EEPD1: variants seen among roughly 807,000 people sequenced by gnomAD.
EEPD1 encodes the protein endonuclease/exonuclease/phosphatase family domain-containing protein 1.
In EEPD1, 17 loss-of-function variants were observed where a neutral mutation model predicts 46.3. That is an observed-to-expected ratio of 0.37 (90% CI 0.25 to 0.55). The LOEUF (loss-of-function observed/expected upper bound fraction) is 0.55. Ranked by LOEUF, EEPD1 falls within the 20% of genes least tolerant of loss-of-function variation. EEPD1 has a pLI of 0.83. For missense variants in EEPD1, 673 were observed against 745.6 expected (o/e 0.90, Z 1.13); for synonymous variants, 313 against 315.6 (o/e 0.99, Z 0.09).
At chr7:36,187,986 C>A (rs934730024) in intron 2 of EEPD1, among the ~76,000 whole-genome samples, 2 of 152,098 alleles carry the variant, frequency 1.3e-5, no homozygotes, top group Non-Finnish European at 2.9e-5. Flanking sequence ...TTAGTAGAGA[C>A]AGGGTTTCAC....
At chr7:36,263,851 T>C (rs1786971195) in intron 3 of EEPD1, among the ~76,000 whole-genome samples, 1 of 152,238 alleles carries the variant, frequency 6.6e-6, no homozygotes. Flanking sequence ...TTTGTTTCTC[T>C]TGACCCACAC....
At chr7:36,235,886 TG>T (rs1170622348) in intron 2 of EEPD1, among the ~76,000 whole-genome samples, 6 of 152,202 alleles carry the variant, frequency 3.9e-5, no homozygotes, top group African/African-American at 1.4e-4. Context: ...ACACTTACGT[TG>T]TTGTATAATC....
Position 36,299,782 on chromosome 7 carries a change from C to T in EEPD1, c.*576C>T. ...CCACAGCCCTCCCCCGCCCCCTTCCCCCGCCCCCCAACGCGCAGTGTGTAT... is the reference window on the plus strand; with the variant it reads ...CCACAGCCCTCCCCCGCCCCCTTCCTCCGCCCCCCAACGCGCAGTGTGTAT... On this transcript the variant is annotated 3_prime_UTR_variant, in exon 8 of 8. Coordinates refer to ENST00000242108, the MANE Select transcript of EEPD1 (RefSeq NM_030636.3). 1 of 151,918 alleles carries T rather than the reference C, an allele frequency of 6.6e-6. No individual in the cohort carries two copies. Among genetic ancestry groups the T allele is most frequent in the Non-Finnish European group, 1.4e-5 (1 of 69,116 alleles). The allele number at this position is 151,918 out of a possible 1,614,324, so 9.4% of individuals were successfully genotyped here. A position where few individuals can be genotyped will look rare whatever the true frequency, so the allele number is the denominator to read the frequency against.
In EEPD1 at chr7:36,154,988, A is replaced by G; in HGVS notation, c.664A>G (p.Thr222Ala). 2 of 1,613,298 alleles carry G rather than the reference A, an allele frequency of 1.2e-6. No homozygotes were observed. The highest frequency in any genetic ancestry group is 1.7e-6 in the Non-Finnish European group (2 of 1,179,604). ...TFTAKPHPSP[T>A]SLSLQSEDLD... is the part of the protein sequence containing the mutation. ...CACCGCCAAGCCTCACCCGAGCCCCACTTCCCTGAGCCTGCAGAGTGAGGA... is the reference window on the plus strand; with the variant it reads ...CACCGCCAAGCCTCACCCGAGCCCCGCTTCCCTGAGCCTGCAGAGTGAGGA... Residue 222 changes from threonine to alanine, a missense_variant, in exon 2 of 8, where the codon ACT becomes GCT. Thr to Ala is a moderately conservative substitution (Grantham distance 58). Transcript: ENST00000242108. This position sits in a 1 kb window ranked among gnomAD's most constrained non-coding sequence, Gnocchi z 4.2.
At chr7:36,260,055 A>C (rs954675160) in intron 3 of EEPD1, among the ~76,000 whole-genome samples, 2 of 152,242 alleles carry the variant, frequency 1.3e-5, no homozygotes, top group African/African-American at 4.8e-5. Flanking sequence ...CCAGCAATAC[A>C]GTCATATACA....
At chr7:36,266,008 T>TG (rs1366498994) in intron 3 of EEPD1, among the ~76,000 whole-genome samples, 1 of 152,164 alleles carries the variant, frequency 6.6e-6, no homozygotes. Context: ...CTTACTGGCA[T>TG]GCATCTCAGG....
At chr7:36,166,414 A>T (rs1784980989) in intron 2 of EEPD1, among the ~76,000 whole-genome samples, 1 of 152,238 alleles carries the variant, frequency 6.6e-6, no homozygotes, top group Non-Finnish European at 1.5e-5. Flanking sequence ...TACCATTTGC[A>T]ACCACTTAAT....
chr7:36,171,313 A>AC (rs1785076190), intron 2 of EEPD1, among the ~76,000 whole-genome samples: 8 of 123,730 alleles, frequency 6.5e-5, no homozygotes, highest in Admixed American at 2.4e-4. Context: ...TAGATACACA[A>AC]AAGAGTGGAC....
intron 3 of EEPD1, among the ~76,000 whole-genome samples, chr7:36,265,462 A>G (rs1786999435): frequency 6.6e-6 from 1 of 152,244 alleles, no homozygotes; most frequent in South Asian, 2.1e-4. Context: ...TAAAAAAATA[A>G]GTGGGTGTTC....
rs1787582945 is a variant in EEPD1, at chr7:36,299,488, TGTCC to T, written c.*284_*287del. Reference sequence around the variant, plus strand: ...CAGACCTGAGCAGCATTGGGCTGGCTGTCCGCTGCTGACTGGATGGCAGCACAAA... The same window carrying T: ...CAGACCTGAGCAGCATTGGGCTGGCTGCTGCTGACTGGATGGCAGCACAAA... On this transcript the variant is annotated 3_prime_UTR_variant, in exon 8 of 8. Transcript: ENST00000242108. 2.2e-6 allele frequency: 1 copy of T among 460,568 alleles called. No homozygotes were observed. Among genetic ancestry groups the T allele is most frequent in the Admixed American group, 3.7e-5 (1 of 27,364 alleles). 28.5% of individuals were successfully genotyped at this position (460,568 alleles called of 1,614,324 possible). A position where few individuals can be genotyped will look rare whatever the true frequency, so the allele number is the denominator to read the frequency against.
chr7:36,235,286 A>G lies in EEPD1; in HGVS notation c.879-3699A>G, dbSNP rs1278926418. 2.0e-5 allele frequency among the ~76,000 whole-genome samples: 3 copies of G among 152,298 alleles called. No homozygotes were observed. The East Asian group carries it at 5.8e-4, about 29-fold the overall frequency. On this transcript the variant is annotated intron_variant, in intron 2 of 7. Coordinates refer to ENST00000242108, the MANE Select transcript of EEPD1 (RefSeq NM_030636.3). ...TGTCCATGAACACTTCAAAAGCAACATGTCAAAAAGGGGAAAATACCTCCC... is the reference window on the plus strand; with the variant it reads ...TGTCCATGAACACTTCAAAAGCAACGTGTCAAAAAGGGGAAAATACCTCCC...
intron 6 of EEPD1, among the ~76,000 whole-genome samples, chr7:36,292,690 T>G (rs952826926): frequency 1.3e-5 from 2 of 152,174 alleles, no homozygotes; most frequent in African/African-American, 4.8e-5. Flanking sequence ...GCATCTTTAG[T>G]AGAGATGGGG....
chr7:36,255,950 C>T (rs1444371853), intron 3 of EEPD1, among the ~76,000 whole-genome samples: 1 of 152,058 alleles, frequency 6.6e-6, no homozygotes, highest in Non-Finnish European at 1.5e-5. Flanking sequence ...CCCGCTTTCT[C>T]CTTGGGCATT....
chr7:36,273,154 A>ACACACACG (rs899553037), intron 3 of EEPD1, among the ~76,000 whole-genome samples: 2 of 152,086 alleles, frequency 1.3e-5, no homozygotes, highest in African/African-American at 4.8e-5. Flanking sequence ...ACACACACAC[A>ACACACACG]CACACACTCA....
chr7:36,229,167 G>T (rs949548404), intron 2 of EEPD1: 2 of 152,514 alleles, frequency 1.3e-5, no homozygotes, highest in Non-Finnish European at 2.9e-5. Context: ...ATTGCTGGAG[G>T]TGCTGGGGTT....
chr7:36,196,452 C>G (rs1785588245), intron 2 of EEPD1, among the ~76,000 whole-genome samples: 1 of 152,192 alleles, frequency 6.6e-6, no homozygotes, highest in Non-Finnish European at 1.5e-5. Flanking sequence ...TGGTCTCCCT[C>G]TCATGCCGGG....
At chr7:36,238,804 A>G (rs1786503044) in intron 2 of EEPD1, among the ~76,000 whole-genome samples, 181 bp from the exon 3 acceptor site, 1 of 152,334 alleles carries the variant, frequency 6.6e-6, no homozygotes, top group South Asian at 2.1e-4. Flanking sequence ...TTAAATTTAG[A>G]AGCATTTTAA....
intron 6 of EEPD1, among the ~76,000 whole-genome samples, chr7:36,296,757 T>C (rs1787531612): frequency 6.8e-6 from 1 of 147,284 alleles, no homozygotes; most frequent in Non-Finnish European, 1.5e-5. Context: ...ACAAGGGTGA[T>C]TTTTGTGTCA....
At chr7:36,247,916 T>C (rs1330739743) in intron 3 of EEPD1, among the ~76,000 whole-genome samples, 1 of 152,046 alleles carries the variant, frequency 6.6e-6, no homozygotes, top group African/African-American at 2.4e-5. Flanking sequence ...ACTTGCACAG[T>C]TGGTGTTAGC....
Sources: allele counts gnomAD v4.1 joint callset (sites outside exome capture counted in the v4.1 genomes callset), GRCh38; gene constraint gnomAD v4.1.1; non-coding constraint Gnocchi (gnomAD v3.1); transcripts MANE v1.5; gene names NCBI Gene and HGNC (gene_info 2026-07-23, HGNC 2026-07-21).